Variants in EHF observed in about 807,000 individuals in gnomAD.
The protein encoded by EHF is ESE3 transcription factor.
Under a neutral mutation model 45.1 loss-of-function variants are expected in EHF, and 14 were observed. That is an observed-to-expected ratio of 0.31 (90% CI 0.21 to 0.49). EHF has a LOEUF of 0.49. Among genes scored for constraint, EHF ranks in the 20% least tolerant of loss-of-function variants. The pLI, the probability that EHF is intolerant of heterozygous loss-of-function variation, is 0.99. For missense variants in EHF, 282 were observed against 371.4 expected, an observed-to-expected ratio of 0.76 and a Z score of 1.98; for synonymous variants, 136 against 131.8, an observed-to-expected ratio of 1.03 and a Z score of -0.22.
At chr11:34,640,064 G>A (rs1320731761) in intron 1 of EHF, among the ~76,000 whole-genome samples, 1 of 150,050 alleles carries the variant, frequency 6.7e-6, no homozygotes. Flanking sequence ...CTATGTGCAT[G>A]ACCTCATTTG....
intron 7 of EHF, 131 bp from the exon 8 acceptor site, chr11:34,658,402 C>G: frequency 1.4e-6 from 1 of 697,886 alleles, no homozygotes; most frequent in Non-Finnish European, 2.4e-6. Flanking sequence ...ATTCTGCGAT[C>G]CATCTTCCCT....
intron 6 of EHF, among the ~76,000 whole-genome samples, chr11:34,654,621 T>A (rs1409578358): frequency 6.6e-6 from 1 of 152,166 alleles, no homozygotes; most frequent in East Asian, 1.9e-4. Flanking sequence ...TCAAAGAATA[T>A]TTCCTCATGG....
At chr11:34,624,437 A>G in intron 1 of EHF, 6 of 338,614 alleles carry the variant, frequency 1.8e-5, no homozygotes, top group Non-Finnish European at 2.5e-5. Flanking sequence ...TAGATAATTA[A>G]CTTTATTTGA....
chr11:34,650,853 A>G (rs1467775296), intron 4 of EHF, among the ~76,000 whole-genome samples: 1 of 152,210 alleles, frequency 6.6e-6, no homozygotes. Flanking sequence ...GAGACAGAGT[A>G]CAAGAGCACT....
chr11:34,639,447 G>T (rs16925951), intron 1 of EHF, among the ~76,000 whole-genome samples: 2,358 of 152,282 alleles, frequency 0.015, 72 homozygotes, highest in African/African-American at 0.054. Flanking sequence ...AGTCACATTT[G>T]TTATCCACGA....
intron 1 of EHF, among the ~76,000 whole-genome samples, chr11:34,626,440 T>C (rs1852385993): frequency 6.6e-6 from 1 of 152,212 alleles, no homozygotes; most frequent in African/African-American, 2.4e-5. Flanking sequence ...GTAGGGCTGA[T>C]GATATATTCT....
chr11:34,640,696 C>T (rs1282711007), intron 1 of EHF, among the ~76,000 whole-genome samples: 1 of 152,158 alleles, frequency 6.6e-6, no homozygotes, highest in African/African-American at 2.4e-5. Context: ...GAAGGTTTGA[C>T]TTGAGGTTGT....
intron 1 of EHF, chr11:34,622,373 A>T: frequency 7.8e-7 from 1 of 1,277,730 alleles, no homozygotes. Flanking sequence ...CCAAGAACTT[A>T]CTGATGGAAG....
At chr11:34,623,451 G>T (rs1287149567) in intron 1 of EHF, among the ~76,000 whole-genome samples, 1 of 152,002 alleles carries the variant, frequency 6.6e-6, no homozygotes, top group Non-Finnish European at 1.5e-5. Flanking sequence ...TTTGGCCTTT[G>T]TGGACGTCAG....
At chr11:34,625,420 C>T (rs1480334827) in intron 1 of EHF, among the ~76,000 whole-genome samples, 8 of 152,208 alleles carry the variant, frequency 5.3e-5, no homozygotes, top group Admixed American at 1.3e-4. Context: ...GACATTTAGG[C>T]ACTCGTGGTG....
At chr11:34,624,294 G>A (rs1343911329) in intron 1 of EHF, 4 of 985,270 alleles carry the variant, frequency 4.1e-6, no homozygotes, top group Admixed American at 6.2e-5. Flanking sequence ...GAAACCGAAC[G>A]CGGCGCTGTG....
chr11:34,658,836 T>C lies in EHF; in HGVS notation c.808T>C (p.Tyr270His), dbSNP rs1346623252. Residue 270 changes from tyrosine to histidine, a missense_variant, in exon 9 of 9, where the codon TAC becomes CAC. Around this residue, in one of 3 missense-constraint regions of EHF, gnomAD observed 28 missense variants for 37.1 expected, o/e 0.76. Coordinates refer to ENST00000257831, the MANE Select transcript of EHF (RefSeq NM_012153.6). Reference protein sequence around the residue: ...YEKLSRAMRYYYKREILERVD... With the variant: ...YEKLSRAMRYHYKREILERVD... Reference sequence around the variant, plus strand: ...ATGCAATCTCCTTTGTTACAGATATTACTACAAAAGAGAAATTCTGGAGCG... The same window carrying C: ...ATGCAATCTCCTTTGTTACAGATATCACTACAAAAGAGAAATTCTGGAGCG... 1 of 1,611,654 alleles carries C rather than the reference T, an allele frequency of 6.2e-7. No individual in the cohort carries two copies.
intron 2 of EHF, among the ~76,000 whole-genome samples, chr11:34,643,974 A>G (rs181276895): frequency 1.3e-3 from 192 of 152,314 alleles, no homozygotes; most frequent in African/African-American, 4.3e-3. Context: ...CTGAAGAGGA[A>G]AAGGAGATCA....
chr11:34,635,294 G>T (rs578101387), intron 1 of EHF, among the ~76,000 whole-genome samples: 22 of 152,156 alleles, frequency 1.4e-4, no homozygotes, highest in African/African-American at 5.3e-4. Flanking sequence ...TAAGAAGGGA[G>T]GCCAGTGGAG....
rs368066512 is a variant in EHF at position 34,623,329 on chromosome 11, A to G, written c.-4+2101A>G. On this transcript the variant is annotated intron_variant, in intron 1 of 8. Coordinates refer to ENST00000257831, the MANE Select transcript of EHF (RefSeq NM_012153.6). ...TTGAACTCCTGACCTCAGGTGATCC[A>G]CCTGCCTCAGCCTCCCAAAGTGCTG... 2.9e-3 allele frequency among the ~76,000 whole-genome samples: 436 copies of G among 152,144 alleles called. 1 individual carries two copies. Among genetic ancestry groups the G allele is most frequent in the African/African-American group, 9.9e-3 (412 of 41,518 alleles).
chr11:34,662,373 C>A lies in EHF; in HGVS notation c.*3442C>A, dbSNP rs771984598. Among the ~76,000 whole-genome samples, 2 of 151,914 alleles carry A rather than the reference C, an allele frequency of 1.3e-5. No homozygotes were observed. The highest frequency in any genetic ancestry group is 2.4e-5 in the African/African-American group (1 of 41,372). ...TGCGCTGAAATGAAACCAAAACAGG[C>A]CGTTGGGTTCCACAAGTCAATATAT... On this transcript the variant is annotated 3_prime_UTR_variant, in exon 9 of 9. Coordinates refer to ENST00000257831, the MANE Select transcript of EHF (RefSeq NM_012153.6).
chr11:34,658,969 C>A lies in EHF; in HGVS notation c.*38C>A. The A allele has an allele frequency of 4.1e-6, 6 of 1,471,764 alleles. No individual in the cohort carries two copies. The highest frequency in any genetic ancestry group is 5.6e-6 in the Non-Finnish European group (6 of 1,071,026). 91.2% of individuals were successfully genotyped at this position (1,471,764 alleles called of 1,614,324 possible). A position where few individuals can be genotyped will look rare whatever the true frequency, so the allele number is the denominator to read the frequency against. On this transcript the variant is annotated 3_prime_UTR_variant, in exon 9 of 9. Coordinates refer to ENST00000257831, the MANE Select transcript of EHF (RefSeq NM_012153.6). ...TTTGGACACAAACCAAAACACACAC[C>A]AAATAATCAGAAACAAAGAACTCCT...
rs1856012634 is a variant in EHF at position 34,660,442 on chromosome 11, T to C, written c.*1511T>C. 1.3e-5 allele frequency: 2 copies of C among 152,098 alleles called. No individual in the cohort carries two copies. Among genetic ancestry groups the C allele is most frequent in the African/African-American group, 4.8e-5 (2 of 41,416 alleles). 9.4% of individuals were successfully genotyped at this position (152,098 alleles called of 1,614,324 possible). A position where few individuals can be genotyped will look rare whatever the true frequency, so the allele number is the denominator to read the frequency against. On this transcript the variant is annotated 3_prime_UTR_variant, in exon 9 of 9. Transcript: ENST00000257831. Reference sequence around the variant, plus strand: ...GATTTGTACTCAGAGGAATTTTTTTTGTTTTGTTTTGTCTTTTAAGAAAGG... The same window carrying C: ...GATTTGTACTCAGAGGAATTTTTTTCGTTTTGTTTTGTCTTTTAAGAAAGG...
At chr11:34,647,094 C>G (rs1043753309) in intron 3 of EHF, among the ~76,000 whole-genome samples, 1 of 136,318 alleles carries the variant, frequency 7.3e-6, no homozygotes, top group Non-Finnish European at 1.6e-5. Context: ...ACCCCCCCCA[C>G]ACACACACAC....
Sources: allele counts gnomAD v4.1 joint callset (sites outside exome capture counted in the v4.1 genomes callset), GRCh38; gene constraint gnomAD v4.1.1; regional missense constraint gnomAD v4.1.1; transcripts MANE v1.5; gene names NCBI Gene and HGNC (gene_info 2026-07-23, HGNC 2026-07-21).